The following CFAP100 variants were observed in gnomAD, a reference collection of about 807,000 sequenced individuals.
The protein encoded by CFAP100 is cilia and flagella associated protein 100.
Under a neutral mutation model 81.5 loss-of-function variants are expected in CFAP100, and 70 were observed. That is an observed-to-expected ratio of 0.86 (90% confidence interval 0.71 to 1.05). CFAP100 has a LOEUF of 1.05. CFAP100 is among the 50% of genes least tolerant of loss of function. CFAP100 has a pLI of 0.00. For synonymous variants in CFAP100, 341 were observed against 314.8 expected (o/e 1.08, Z -0.88); for missense variants, 811 against 776.5 (o/e 1.04, Z -0.53).
At chr3:126,434,516 C>G (rs1933368171) in intron 15 of CFAP100, 135 bp downstream of exon 15, 1 of 893,736 alleles carries the variant, frequency 1.1e-6, no homozygotes, top group African/African-American at 1.7e-5. Context: ...GACAAAAGCC[C>G]ATGTCTTGGG....
At chr3:126,400,665 T>A (rs961319574) in intron 2 of CFAP100, among the ~76,000 whole-genome samples, 29 of 151,890 alleles carry the variant, frequency 1.9e-4, no homozygotes, top group African/African-American at 7.0e-4. Flanking sequence ...GGCAGGAGAA[T>A]GGCGTGAACC....
intron 13 of CFAP100, chr3:126,432,804 T>C (rs899526876): frequency 6.0e-6 from 2 of 333,424 alleles, no homozygotes; most frequent in African/African-American, 2.1e-5. Flanking sequence ...TATTTTATGA[T>C]GGTTATGCTA....
chr3:126,414,077 C>T lies in CFAP100; in HGVS notation c.131-8C>T. 1 of 1,608,922 alleles carries T rather than the reference C, an allele frequency of 6.2e-7. No homozygotes were observed. The highest frequency in any genetic ancestry group is 8.5e-7 in the Non-Finnish European group (1 of 1,175,270). Reference sequence around the variant, plus strand: ...CTCCCCTTTCCAGAGAGGTGTCTCCCTTTCCAGAACATGGTCCTGACCCTT... The same window carrying T: ...CTCCCCTTTCCAGAGAGGTGTCTCCTTTTCCAGAACATGGTCCTGACCCTT... On this transcript the variant is annotated splice_polypyrimidine_tract_variant and splice_region_variant and intron_variant, in intron 3 of 16. Transcript: ENST00000352312.
intron 16 of CFAP100, among the ~76,000 whole-genome samples, chr3:126,436,059 C>A (rs953132458): frequency 5.3e-5 from 8 of 152,214 alleles, no homozygotes; most frequent in African/African-American, 1.7e-4. Context: ...GAAGCAGGTC[C>A]CTCTGCCCCC....
chr3:126,418,835 T>C (rs139968702), intron 7 of CFAP100, 61 bp downstream of exon 7: 2 of 1,495,900 alleles, frequency 1.3e-6, no homozygotes, highest in Admixed American at 2.5e-5. Context: ...TCCCTGAGCC[T>C]GTGCACACCC....
In CFAP100 at chr3:126,436,302, ACTGGTATGCCG is replaced by A. The variant is rs377026838; in HGVS notation, c.1737_1747del (p.Val580ThrfsTer12). 37 of 1,613,652 alleles carry A rather than the reference ACTGGTATGCCG, an allele frequency of 2.3e-5. No homozygotes were observed. In the East Asian group the frequency reaches 8.2e-4, roughly 36 times the overall value. ...TGTTTCCCCTGCAGAGAGGCAGGACACTGGTATGCCGCTCACGACCCCCAGCCCACAGGATC... is the reference window on the plus strand; with the variant it reads ...TGTTTCCCCTGCAGAGAGGCAGGACACTCACGACCCCCAGCCCACAGGATC... On this transcript the variant is annotated frameshift_variant, in exon 17 of 17. Coordinates refer to ENST00000352312, the MANE Select transcript of CFAP100 (RefSeq NM_182628.3). LOFTEE classifies it low-confidence loss of function (END_TRUNC).
At position 126,400,580 on chromosome 3, in the gene CFAP100, T is replaced by C. The variant is rs369508201; in HGVS notation, c.49+4531T>C. Among the ~76,000 whole-genome samples, 153 of 152,098 alleles carry C rather than the reference T, an allele frequency of 1.0e-3. 2 individuals are homozygous for C. The highest frequency in any genetic ancestry group is 1.5e-3 in the South Asian group (7 of 4,812). On this transcript the variant is annotated intron_variant, in intron 2 of 16. Transcript: ENST00000352312. ...CATCCTGGCTAACATGGTGAAACCC[T>C]GTCTCTACTAAAAATACAAAAAATA...
At chr3:126,433,032 G>A (rs775843567) in intron 13 of CFAP100, 37 bp from the exon 14 acceptor site, 1 of 1,612,100 alleles carries the variant, frequency 6.2e-7, no homozygotes, top group East Asian at 2.2e-5. Context: ...GGGCTGTGCT[G>A]AGTGACTGAT....
At chr3:126,411,117 A>G (rs1210371613) in intron 3 of CFAP100, among the ~76,000 whole-genome samples, 1 of 152,202 alleles carries the variant, frequency 6.6e-6, no homozygotes, top group Non-Finnish European at 1.5e-5. Flanking sequence ...ATATTGTCGA[A>G]TGCTTTTTCT....
chr3:126,419,200 G>C (rs1430424619), intron 8 of CFAP100, 44 bp downstream of exon 8: 2 of 1,321,860 alleles, frequency 1.5e-6, no homozygotes, highest in East Asian at 2.5e-5. Context: ...CCCACCTCCT[G>C]GTCCCTCAGT....
At chr3:126,416,802 A>G in intron 5 of CFAP100, 2 of 301,824 alleles carry the variant, frequency 6.6e-6, no homozygotes, top group Admixed American at 5.0e-5. Flanking sequence ...TGAGTACAAT[A>G]CAGCAAGATA....
chr3:126,397,746 G>A (rs997300013), intron 2 of CFAP100, among the ~76,000 whole-genome samples: 5 of 152,240 alleles, frequency 3.3e-5, no homozygotes, highest in African/African-American at 4.8e-5. Flanking sequence ...TCAGTCAAGA[G>A]GACTGCTGAG....
rs751119245 is a variant in CFAP100 at position 126,416,343 on chromosome 3, G to A, written c.253G>A (p.Val85Met). The A allele has an allele frequency of 5.6e-6, 9 of 1,602,506 alleles. No individual in the cohort carries two copies. The highest frequency in any genetic ancestry group is 1.7e-4 in the Middle Eastern group (1 of 6,052). Residue 85 changes from valine to methionine, a missense_variant, in exon 5 of 17, where the codon GTG becomes ATG. Transcript: ENST00000352312. ...ACGGCAGCAGCAGAAGACGATGCGG[G>A]TGCACCAGAAGATGACCTACTCCTC... Reference protein sequence around the residue: ...SERQQQKTMRVHQKMTYSSKV... With the variant: ...SERQQQKTMRMHQKMTYSSKV...
chr3:126,407,590 A>G (rs1484505747), intron 3 of CFAP100, among the ~76,000 whole-genome samples: 1 of 152,216 alleles, frequency 6.6e-6, no homozygotes, highest in Non-Finnish European at 1.5e-5. Flanking sequence ...TTTCATGCTC[A>G]CAAAATGGCT....
intron 6 of CFAP100, 37 bp from the exon 7 acceptor site, chr3:126,418,574 G>A (rs757219147): frequency 1.6e-5 from 26 of 1,612,968 alleles, no homozygotes; most frequent in South Asian, 2.2e-5. Flanking sequence ...TGGCTGGCCC[G>A]GGCCAGGCAC....
At chr3:126,396,369 G>A (rs1278234336) in intron 2 of CFAP100, 4 of 299,214 alleles carry the variant, frequency 1.3e-5, no homozygotes, top group Non-Finnish European at 2.5e-5. Context: ...CTGGTTTCCA[G>A]AGCTTTGCAG....
intron 3 of CFAP100, among the ~76,000 whole-genome samples, chr3:126,411,097 G>A (rs1162207680): frequency 6.6e-6 from 1 of 152,218 alleles, no homozygotes; most frequent in African/African-American, 2.4e-5. Context: ...TTATCATAAA[G>A]GGGTGCTGAA....
chr3:126,421,389 A>G (rs2083330050), intron 11 of CFAP100, among the ~76,000 whole-genome samples: 1 of 152,210 alleles, frequency 6.6e-6, no homozygotes, highest in South Asian at 2.1e-4. Flanking sequence ...TAATTTTATA[A>G]TTGGTGAATT....
intron 11 of CFAP100, chr3:126,420,521 C>G: frequency 4.5e-6 from 2 of 444,604 alleles, no homozygotes; most frequent in East Asian, 4.3e-5. Context: ...CAAAGGCCTG[C>G]CCCTGGTTGT....
Sources: allele counts gnomAD v4.1 joint callset (sites outside exome capture counted in the v4.1 genomes callset), GRCh38; gene constraint gnomAD v4.1.1; transcripts MANE v1.5; gene names NCBI Gene and HGNC (gene_info 2026-07-23, HGNC 2026-07-21).